Variants in PPT1 observed in about 807,000 individuals in gnomAD.
PPT1 encodes ceroid-palmitoyl-palmitoyl-protein thioesterase 1.
In PPT1, 24 loss-of-function variants were observed where a neutral mutation model predicts 44.0. The ratio of observed to expected loss-of-function variants is 0.54; its 90% CI spans 0.39 to 0.77. The LOEUF is 0.77. PPT1 is among the 30% of genes least tolerant of loss of function. PPT1 has a pLI of 0.00. For missense variants in PPT1, 341 were observed against 378.8 expected (o/e 0.90, Z 0.83); for synonymous variants, 148 against 140.2 (o/e 1.06, Z -0.39).
At chr1:40,092,300 A>G in intron 2 of PPT1, 98 bp downstream of exon 2, 1 of 1,527,674 alleles carries the variant, frequency 6.5e-7, no homozygotes, top group Non-Finnish European at 9.1e-7. Context: ...GTATCACTGT[A>G]TGATCTGCTG....
At chr1:40,085,221 A>G (rs576769142) in intron 5 of PPT1, among the ~76,000 whole-genome samples, 24 of 152,148 alleles carry the variant, frequency 1.6e-4, no homozygotes, top group Non-Finnish European at 2.4e-4. Flanking sequence ...GAAAGTACTA[A>G]AAGTCTCTGA....
intron 6 of PPT1, among the ~76,000 whole-genome samples, chr1:40,079,394 T>A (rs1018168985): frequency 0.016 from 2,084 of 129,286 alleles, 20 homozygotes; most frequent in Middle Eastern, 0.052. Context: ...TTCTTTTCCT[T>A]TTTTTTTTTT....
intron 4 of PPT1, among the ~76,000 whole-genome samples, chr1:40,090,807 T>C (rs1399368937): frequency 6.7e-6 from 1 of 150,330 alleles, no homozygotes; most frequent in Non-Finnish European, 1.5e-5. Context: ...GGAGAATCAT[T>C]CTGCTCCCAC....
At chr1:40,080,264 CA>C (rs1389544962) in intron 6 of PPT1, 132 bp downstream of exon 6, 156 of 958,610 alleles carry the variant, frequency 1.6e-4, no homozygotes, top group East Asian at 3.0e-4. Context: ...CCCTGCCTCC[CA>C]AAAAAAACAG....
At position 40,073,749 on chromosome 1, in the gene PPT1, T is replaced by A. The variant is rs971188102; in HGVS notation, c.*312A>T. On this transcript the variant is annotated 3_prime_UTR_variant, in exon 9 of 9. Coordinates refer to ENST00000642050, the MANE Select transcript of PPT1 (RefSeq NM_000310.4). ...TATCTCACTACTTTAGTTAGTTGTC[T>A]CCTTTGGGCCTGGGCACAGTTCTGG... is the stretch of plus-strand genomic sequence containing the variant. 1.4e-5 allele frequency: 5 copies of A among 354,220 alleles called. No individual in the cohort carries two copies. In the East Asian group the frequency reaches 1.9e-4, roughly 13 times the overall value. The allele number at this position is 354,220 out of a possible 1,614,324, so 21.9% of individuals were successfully genotyped here.
chr1:40,087,310 T>G (rs1305038112), intron 5 of PPT1, among the ~76,000 whole-genome samples: 3 of 152,008 alleles, frequency 2.0e-5, no homozygotes, highest in African/African-American at 7.2e-5. Flanking sequence ...TGGTGCGATC[T>G]CAGCTCACTG....
At chr1:40,080,375 G>C (rs774008532) in intron 6 of PPT1, 22 bp downstream of exon 6, 1 of 1,605,932 alleles carries the variant, frequency 6.2e-7, no homozygotes, top group Non-Finnish European at 8.5e-7. Flanking sequence ...CACATCTATG[G>C]GAGCCCGGTT....
intron 6 of PPT1, 158 bp from the exon 7 acceptor site, chr1:40,078,816 A>G (rs1387625299): frequency 2.9e-6 from 2 of 686,612 alleles, no homozygotes; most frequent in Non-Finnish European, 5.4e-6. Flanking sequence ...ATATACCTGT[A>G]CAGCTTTTTT....
intron 8 of PPT1, 157 bp downstream of exon 8, chr1:40,076,685 C>G: frequency 6.7e-7 from 1 of 1,500,198 alleles, no homozygotes; most frequent in Non-Finnish European, 8.9e-7. Flanking sequence ...AAGAGCCTAA[C>G]AAGCTTCACC....
At chr1:40,074,777 C>G (rs947279585) in intron 8 of PPT1, among the ~76,000 whole-genome samples, 4 of 151,796 alleles carry the variant, frequency 2.6e-5, no homozygotes, top group African/African-American at 9.7e-5. Flanking sequence ...CCAGTTTTTT[C>G]TAAGTATTAA....
chr1:40,089,754 T>C (rs536580840), intron 4 of PPT1, among the ~76,000 whole-genome samples: 1 of 152,324 alleles, frequency 6.6e-6, no homozygotes, highest in Admixed American at 6.5e-5. Flanking sequence ...TTGCATCACA[T>C]GGCTGGACGC....
Position 40,073,985 on chromosome 1 carries a change from G to T in PPT1, c.*76C>A. The T allele has an allele frequency of 6.3e-7, 1 of 1,584,346 alleles. No homozygotes were observed. The highest frequency in any genetic ancestry group is 8.7e-7 in the Non-Finnish European group (1 of 1,155,872). Reference sequence around the variant, plus strand: ...AAGCTGGATCTGAGCTCAGGCTTGGGCATGAAGGAAACTGTCTCCCATGTG... The same window carrying T: ...AAGCTGGATCTGAGCTCAGGCTTGGTCATGAAGGAAACTGTCTCCCATGTG... On this transcript the variant is annotated 3_prime_UTR_variant, in exon 9 of 9. Transcript: ENST00000642050.
In PPT1 at chr1:40,072,799, TGAA is replaced by T. The variant is rs1422536361; in HGVS notation, c.*1259_*1261del. 3 of 152,228 alleles carry T rather than the reference TGAA, an allele frequency of 2.0e-5. No homozygotes were observed. The highest frequency in any genetic ancestry group is 1.3e-4 in the Admixed American group (2 of 15,272). 9.4% of individuals were successfully genotyped at this position (152,228 alleles called of 1,614,324 possible). ...TTGCTCTTAATCCTCATCTTTTAGT[TGAA>T]GAATAAGGCTTAAGAGAGAGAAAGG... On this transcript the variant is annotated 3_prime_UTR_variant, in exon 9 of 9. Coordinates refer to ENST00000642050, the MANE Select transcript of PPT1 (RefSeq NM_000310.4).
intron 1 of PPT1, chr1:40,094,018 C>G: frequency 1.4e-6 from 1 of 699,936 alleles, no homozygotes; most frequent in South Asian, 1.5e-5. Context: ...CATAACGAGA[C>G]CCTGTCTCAA....
chr1:40,092,101 A>G lies in PPT1; in HGVS notation c.306T>C (p.Asp102=), dbSNP rs866916950. 1 of 1,614,140 alleles carries G rather than the reference A, an allele frequency of 6.2e-7. No homozygotes were observed. Residue 102 remains aspartate, a synonymous_variant, in exon 3 of 9, where the codon GAT becomes GAC. Coordinates refer to ENST00000642050, the MANE Select transcript of PPT1 (RefSeq NM_000310.4). ...CATTGTAGCCTTGCTGCAATTTAGGATCCTTAGCAAGTGCCTGACACACTG... is the reference window on the plus strand; with the variant it reads ...CATTGTAGCCTTGCTGCAATTTAGGGTCCTTAGCAAGTGCCTGACACACTG... ...VTTVCQALAK[D]PKLQQGYNAM...
chr1:40,078,725 C>A, intron 6 of PPT1, 67 bp from the exon 7 acceptor site: 2 of 1,360,802 alleles, frequency 1.5e-6, no homozygotes, highest in South Asian at 1.2e-5. Context: ...GTAAAGCCTT[C>A]CTGTTTTCTG....
chr1:40,089,374 G>A, intron 5 of PPT1, 36 bp downstream of exon 5: 1 of 1,527,708 alleles, frequency 6.5e-7, no homozygotes, highest in Non-Finnish European at 9.1e-7. Flanking sequence ...TTCACACGGT[G>A]ACAGGTCTGT....
Position 40,092,125 on chromosome 1 carries a change from T to A in PPT1, c.282A>T (p.Thr94=), listed in dbSNP as rs753828114. Residue 94 remains threonine (T), a synonymous_variant, in exon 3 of 9, where the codon ACA becomes ACT. Transcript: ENST00000642050. The part of the protein sequence containing the change: ...FFLNVNSQVT[T]VCQALAKDPK... Reference sequence around the variant, plus strand: ...GATCCTTAGCAAGTGCCTGACACACTGTTGTTACTTGGGAATTGACATTCA... The same window carrying A: ...GATCCTTAGCAAGTGCCTGACACACAGTTGTTACTTGGGAATTGACATTCA... The A allele has an allele frequency of 6.2e-7, 1 of 1,614,106 alleles. No homozygotes were observed. Among genetic ancestry groups the A allele is most frequent in the Non-Finnish European group, 8.5e-7 (1 of 1,179,942 alleles).
At chr1:40,095,504 A>T (rs116762265) in intron 1 of PPT1, among the ~76,000 whole-genome samples, 2 of 152,184 alleles carry the variant, frequency 1.3e-5, no homozygotes, top group African/African-American at 4.8e-5. Context: ...AAGTTTAGTA[A>T]GCCCAAAAGC....
Sources: allele counts gnomAD v4.1 joint callset (sites outside exome capture counted in the v4.1 genomes callset), GRCh38; gene constraint gnomAD v4.1.1; transcripts MANE v1.5; gene names NCBI Gene and HGNC (gene_info 2026-07-23, HGNC 2026-07-21).